The following SLC18A1 variants were observed in gnomAD, a reference collection of about 807,000 sequenced individuals.
The protein encoded by SLC18A1 is chromaffin granule amine transporter.
In SLC18A1, 69 loss-of-function variants were observed where a neutral mutation model predicts 53.7. The ratio of observed to expected loss-of-function variants is 1.28; its 90% CI spans 1.06 to 1.57. The LOEUF (loss-of-function observed/expected upper bound fraction) is 1.57. Ranked by LOEUF, SLC18A1 falls within the 40% of genes most tolerant of loss-of-function variation. The pLI is 0.00. For missense variants in SLC18A1, 932 were observed against 668.1 expected (o/e 1.40, Z -4.35); for synonymous variants, 320 against 248.1 (o/e 1.29, Z -2.72).
intron 10 of SLC18A1, among the ~76,000 whole-genome samples, chr8:20,160,104 T>G (rs555748681): frequency 5.9e-5 from 9 of 152,194 alleles, no homozygotes; most frequent in Non-Finnish European, 1.0e-4. Context: ...ACAACTTGTT[T>G]GCTTTTAATA....
chr8:20,180,762 G>A lies in SLC18A1; in HGVS notation c.124+79C>T, dbSNP rs2072404484. ...AGGAAAATTCTCAGATGGATTCACT[G>A]TTGAACTCAAGCAGGGTGTACACTG... On this transcript the variant is annotated intron_variant, in intron 2 of 15. Transcript: ENST00000276373. 4 of 1,557,306 alleles carry A rather than the reference G, an allele frequency of 2.6e-6. No homozygotes were observed. In the Admixed American group the frequency reaches 7.0e-5, roughly 27 times the overall value.
chr8:20,151,210 C>T (rs185593428), intron 10 of SLC18A1, among the ~76,000 whole-genome samples: 1 of 151,310 alleles, frequency 6.6e-6, no homozygotes, highest in Admixed American at 6.6e-5. Flanking sequence ...TCATGTTGCC[C>T]AGGCTGGTCA....
At chr8:20,175,607 G>C (rs59777512) in intron 4 of SLC18A1, 3 of 152,162 alleles carry the variant, frequency 2.0e-5, no homozygotes, top group African/African-American at 7.2e-5. Flanking sequence ...CTGACTTCCC[G>C]CAACACAAAA....
intron 12 of SLC18A1, chr8:20,148,510 T>C (rs919349458): frequency 5.5e-5 from 70 of 1,277,678 alleles, no homozygotes; most frequent in Admixed American, 9.2e-5. Flanking sequence ...GACTTCTAAC[T>C]TGGTAGCTGT....
In SLC18A1 at chr8:20,145,120, T is replaced by G. The variant is rs1374072561; in HGVS notation, c.*643A>C. 1.3e-5 allele frequency: 2 copies of G among 151,902 alleles called. No individual in the cohort carries two copies. Among genetic ancestry groups the G allele is most frequent in the Non-Finnish European group, 2.9e-5 (2 of 68,010 alleles). The allele number at this position is 151,902 out of a possible 1,614,324, so 9.4% of individuals were successfully genotyped here. ...CAGAAGAGAAATGGGCTCCTGTTTC[T>G]GAAAGATAATGAAAATAGAAGACAC... On this transcript the variant is annotated 3_prime_UTR_variant, in exon 16 of 16. Transcript: ENST00000276373.
intron 12 of SLC18A1, among the ~76,000 whole-genome samples, chr8:20,149,023 T>G (rs772397759): frequency 3.3e-5 from 5 of 152,072 alleles, no homozygotes; most frequent in Non-Finnish European, 5.9e-5. Flanking sequence ...CCGGATCCCA[T>G]GCTCCTGCTC....
chr8:20,171,361 C>A (rs372753416), intron 7 of SLC18A1, 44 bp downstream of exon 7: 1 of 1,544,002 alleles, frequency 6.5e-7, no homozygotes, highest in East Asian at 2.2e-5. Context: ...CATTCCCAAC[C>A]TGACCTGGGC....
chr8:20,150,743 A>G lies in SLC18A1; in HGVS notation c.1017T>C (p.Gly339=). The G allele has an allele frequency of 6.2e-7, 1 of 1,613,958 alleles. No homozygotes were observed. The highest frequency in any genetic ancestry group is 8.5e-7 in the Non-Finnish European group (1 of 1,179,832). ...ACACACTGGCAGGCAAGAAAGCTAG[A>G]CCTGTGGAAGGACACAGATCCTTAC... ...QTMCSPKWQL[G]LAFLPASVSY... Residue 339 remains glycine (G), a splice_region_variant and synonymous_variant, in exon 11 of 16, where the codon GGT becomes GGC. Transcript: ENST00000276373.
At chr8:20,148,471 T>C in intron 12 of SLC18A1, 1 of 1,289,914 alleles carries the variant, frequency 7.8e-7, no homozygotes, top group East Asian at 5.5e-5. Flanking sequence ...CTGTTTTCCA[T>C]TATGGACATC....
chr8:20,167,941 A>G (rs1191552605), intron 8 of SLC18A1, among the ~76,000 whole-genome samples: 1 of 151,974 alleles, frequency 6.6e-6, no homozygotes, highest in Non-Finnish European at 1.5e-5. Flanking sequence ...GTTTCTAAAC[A>G]CCATTCCCTA....
chr8:20,146,839 A>G (rs1452703449), intron 15 of SLC18A1, among the ~76,000 whole-genome samples: 1 of 139,014 alleles, frequency 7.2e-6, no homozygotes, highest in Non-Finnish European at 1.6e-5. Context: ...AAAAAAAAAA[A>G]GTGACCTGGT....
In SLC18A1 at chr8:20,147,723, C is replaced by T. The variant is rs1269345173; in HGVS notation, c.1211-1G>A. ...GGCATCATAGAAGAATCCACCATGC[C>T]TGTGGCCAGAGCAAACAGGACACAG... is the stretch of plus-strand genomic sequence containing the variant. On this transcript the variant is annotated splice_acceptor_variant, in intron 13 of 15. Transcript: ENST00000276373. LOFTEE classifies it high-confidence loss of function. 1.2e-6 allele frequency: 2 copies of T among 1,612,858 alleles called. No homozygotes were observed. Among genetic ancestry groups the T allele is most frequent in the Admixed American group, 1.7e-5 (1 of 59,974 alleles).
chr8:20,165,086 A>G lies in SLC18A1; in HGVS notation c.880T>C (p.Phe294Leu). ...SPESAKGTPL[F>L]MLLKDPYILV... is the part of the protein sequence containing the mutation. ...ATGTAAGGGTCTTTGAGAAGCATAA[A>G]GAGGGGAGTCCCCTTGGCACTCTGA... Residue 294 changes from phenylalanine (F) to leucine (L), a missense_variant, in exon 9 of 16, where the codon TTT becomes CTT. Physicochemically the swap from Phe to Leu is conservative, Grantham distance 22. Coordinates refer to ENST00000276373, the MANE Select transcript of SLC18A1 (RefSeq NM_003053.4). 6.2e-7 allele frequency: 1 copy of G among 1,614,218 alleles called. No individual in the cohort carries two copies. Among genetic ancestry groups the G allele is most frequent in the Non-Finnish European group, 8.5e-7 (1 of 1,180,030 alleles).
chr8:20,171,201 T>G, intron 7 of SLC18A1, 55 bp from the exon 8 acceptor site: 10 of 1,574,608 alleles, frequency 6.4e-6, no homozygotes, highest in Non-Finnish European at 8.7e-6. Context: ...AGCTGGGGGC[T>G]CCAATAACAG....
At chr8:20,150,914 C>T (rs1487915721) in intron 10 of SLC18A1, 170 bp from the exon 11 acceptor site, 5 of 615,562 alleles carry the variant, frequency 8.1e-6, no homozygotes, top group Non-Finnish European at 1.5e-5. Context: ...CCATAGGACC[C>T]CCACACCTCT....
In SLC18A1 at chr8:20,158,174, T is replaced by A. The variant is rs1299687539; in HGVS notation, c.1015+6695A>T. Reference sequence around the variant, plus strand: ...GAGGGCCAGGAGGTTAACTGTCTCCTAGACACTGGTGCAGCCTTCTCAGTC... The same window carrying A: ...GAGGGCCAGGAGGTTAACTGTCTCCAAGACACTGGTGCAGCCTTCTCAGTC... On this transcript the variant is annotated intron_variant, in intron 10 of 15. Transcript: ENST00000276373. Among the ~76,000 whole-genome samples, 3 of 152,266 alleles carry A rather than the reference T, an allele frequency of 2.0e-5. 1 individual carries two copies. The East Asian group carries it at 5.8e-4, about 29-fold the overall frequency.
At chr8:20,172,995 C>A in intron 6 of SLC18A1, 41 bp downstream of exon 6, 4 of 1,379,724 alleles carry the variant, frequency 2.9e-6, no homozygotes, top group Non-Finnish European at 4.0e-6. Context: ...TTCCTAGAGT[C>A]CCACCCTCCC....
At chr8:20,154,280 G>C (rs971364486) in intron 10 of SLC18A1, among the ~76,000 whole-genome samples, 2 of 152,156 alleles carry the variant, frequency 1.3e-5, no homozygotes, top group Non-Finnish European at 2.9e-5. Context: ...CAAAAGAGTA[G>C]ATTAAAAAAT....
chr8:20,148,951 C>T (rs148182281), intron 12 of SLC18A1, among the ~76,000 whole-genome samples: 7 of 152,244 alleles, frequency 4.6e-5, no homozygotes, highest in South Asian at 4.1e-4. Flanking sequence ...GCTGAGCACA[C>T]GGAGATGAAG....
Sources: gnomAD v4.1 joint callset for allele counts (sites outside exome capture counted in the v4.1 genomes callset) on GRCh38, gnomAD v4.1.1 for gene constraint, MANE v1.5 for transcripts, NCBI Gene and HGNC (gene_info 2026-07-23, HGNC 2026-07-21) for gene names.